Variants in SLC18A1 observed in about 807,000 individuals in gnomAD.
SLC18A1 encodes solute carrier family 18 member A1.
In SLC18A1, 69 loss-of-function variants were observed where a neutral mutation model predicts 53.7. The ratio of observed to expected loss-of-function variants is 1.28; its 90% CI spans 1.06 to 1.57. SLC18A1 has a LOEUF of 1.57. Among genes scored for constraint, SLC18A1 ranks in the 40% most tolerant of loss-of-function variants. The probability of loss-of-function intolerance (pLI) is 0.00; values close to 1 mark genes in which losing one functional copy is unlikely to be tolerated. For missense variants in SLC18A1, 932 were observed against 668.1 expected, an observed-to-expected ratio of 1.40 and a Z score of -4.35; for synonymous variants, 320 against 248.1, an observed-to-expected ratio of 1.29 and a Z score of -2.72.
intron 2 of SLC18A1, among the ~76,000 whole-genome samples, chr8:20,180,313 C>T (rs924663233): frequency 6.6e-6 from 1 of 152,024 alleles, no homozygotes; most frequent in South Asian, 2.1e-4. Context: ...AGAGGAGAAA[C>T]CTTTTAGTGC....
At position 20,145,005 on chromosome 8, in the gene SLC18A1, T is replaced by A. The variant is rs546438707; in HGVS notation, c.*758A>T. On this transcript the variant is annotated 3_prime_UTR_variant, in exon 16 of 16. Coordinates refer to ENST00000276373, the MANE Select transcript of SLC18A1 (RefSeq NM_003053.4). ...TGGGTCTAATCAGTTATTTTTTCTG[T>A]CTTTCTTCTACTTTTATTTCTAAGA... is the stretch of plus-strand genomic sequence containing the variant. 14 of 152,232 alleles carry A rather than the reference T, an allele frequency of 9.2e-5. No homozygotes were observed. The highest frequency in any genetic ancestry group is 2.9e-4 in the African/African-American group (12 of 41,542). 9.4% of individuals were successfully genotyped at this position (152,232 alleles called of 1,614,324 possible).
intron 13 of SLC18A1, 33 bp downstream of exon 13, chr8:20,147,974 G>A (rs769539878): frequency 1.9e-6 from 3 of 1,608,124 alleles, no homozygotes; most frequent in African/African-American, 2.7e-5. Context: ...CAACATGCAG[G>A]GGCTTATTGT....
chr8:20,174,004 C>G (rs2072192736), intron 5 of SLC18A1, among the ~76,000 whole-genome samples: 1 of 151,842 alleles, frequency 6.6e-6, no homozygotes, highest in African/African-American at 2.4e-5. Context: ...TCAAGCCATC[C>G]TCCCACTTTA....
At chr8:20,157,423 C>T (rs2071710637) in intron 10 of SLC18A1, among the ~76,000 whole-genome samples, 1 of 151,930 alleles carries the variant, frequency 6.6e-6, no homozygotes. Flanking sequence ...AGTGTAGACT[C>T]TCATTATGAT....
At chr8:20,168,177 C>T (rs1431588549) in intron 8 of SLC18A1, among the ~76,000 whole-genome samples, 1 of 151,960 alleles carries the variant, frequency 6.6e-6, no homozygotes, top group East Asian at 1.9e-4. Flanking sequence ...AGTTCAAGGC[C>T]AGCCTGGGCA....
intron 7 of SLC18A1, 35 bp from the exon 8 acceptor site, chr8:20,171,181 T>C: frequency 6.2e-7 from 1 of 1,612,434 alleles, no homozygotes; most frequent in Non-Finnish European, 8.5e-7. Context: ...GTTCAGCGTG[T>C]CTACTGATTA....
In SLC18A1 at chr8:20,171,083, G is replaced by A; in HGVS notation, c.858+20C>T. On this transcript the variant is annotated intron_variant, in intron 8 of 15. Transcript: ENST00000276373. ...GCCATCCTGTATAACTGTTAGAAAT[G>A]GAGCTTTGTGTCTGCTTACCTCAGG... 1 of 1,613,306 alleles carries A rather than the reference G, an allele frequency of 6.2e-7. No homozygotes were observed. Among genetic ancestry groups the A allele is most frequent in the African/African-American group, 1.3e-5 (1 of 75,044 alleles).
At chr8:20,160,176 G>A (rs2071787618) in intron 10 of SLC18A1, among the ~76,000 whole-genome samples, 1 of 151,088 alleles carries the variant, frequency 6.6e-6, no homozygotes, top group Non-Finnish European at 1.5e-5. Context: ...ATCCTGGACA[G>A]GTGGCAATCT....
chr8:20,159,073 T>C (rs2071750722), intron 10 of SLC18A1, among the ~76,000 whole-genome samples: 1 of 152,138 alleles, frequency 6.6e-6, no homozygotes, highest in Admixed American at 6.5e-5. Flanking sequence ...TGTAAAACTA[T>C]AAATGGTTCT....
chr8:20,149,588 CCCTCTCTCTCTCT>C, intron 12 of SLC18A1, 75 bp downstream of exon 12: 4 of 940,970 alleles, frequency 4.3e-6, no homozygotes, highest in Non-Finnish European at 1.5e-6. Context: ...CTCTCTCTCT[CCCTCTCTCTCTCT>C]CTCTCTCTCT....
Position 20,147,734 on chromosome 8 carries a change from G to A in SLC18A1, c.1211-12C>T, listed in dbSNP as rs1220273903. On this transcript the variant is annotated splice_polypyrimidine_tract_variant and intron_variant, in intron 13 of 15. Transcript: ENST00000276373. Reference sequence around the variant, plus strand: ...AGAATCCACCATGCCTGTGGCCAGAGCAAACAGGACACAGTCAGCCCCACC... The same window carrying A: ...AGAATCCACCATGCCTGTGGCCAGAACAAACAGGACACAGTCAGCCCCACC... The A allele has an allele frequency of 1.9e-6, 3 of 1,611,628 alleles. No homozygotes were observed. The highest frequency in any genetic ancestry group is 2.5e-6 in the Non-Finnish European group (3 of 1,179,282).
intron 8 of SLC18A1, among the ~76,000 whole-genome samples, chr8:20,168,713 G>T (rs1372409587): frequency 6.6e-6 from 1 of 152,100 alleles, no homozygotes; most frequent in East Asian, 1.9e-4. Context: ...GGATTACGGT[G>T]TGCACCACCA....
At chr8:20,148,462 T>G in intron 12 of SLC18A1, 4 of 1,290,704 alleles carry the variant, frequency 3.1e-6, no homozygotes, top group Non-Finnish European at 4.0e-6. Context: ...AAGTTGCCTC[T>G]GTTTTCCATT....
At chr8:20,173,370 C>T (rs888634252) in intron 5 of SLC18A1, among the ~76,000 whole-genome samples, 7 of 152,194 alleles carry the variant, frequency 4.6e-5, no homozygotes, top group African/African-American at 1.7e-4. Flanking sequence ...GGAAGGATAA[C>T]ACAGAAAATC....
intron 10 of SLC18A1, among the ~76,000 whole-genome samples, chr8:20,161,274 C>T (rs2071823882): frequency 6.6e-6 from 1 of 152,064 alleles, no homozygotes; most frequent in African/African-American, 2.4e-5. Flanking sequence ...GAAATCAAAA[C>T]AAATTATACT....
At chr8:20,174,255 G>T in intron 5 of SLC18A1, 106 bp downstream of exon 5, 2 of 863,158 alleles carry the variant, frequency 2.3e-6, no homozygotes, top group South Asian at 1.4e-5. Context: ...CTATCCAGGT[G>T]ACATTTTCCT....
At chr8:20,159,021 TCTTAAC>T (rs1162106387) in intron 10 of SLC18A1, among the ~76,000 whole-genome samples, 2 of 152,138 alleles carry the variant, frequency 1.3e-5, no homozygotes, top group Admixed American at 1.3e-4. Context: ...AATCTCTGTA[TCTTAAC>T]CTCCTGGTTA....
chr8:20,181,143 T>C, intron 1 of SLC18A1, 56 bp from the exon 2 acceptor site: 1 of 581,226 alleles, frequency 1.7e-6, no homozygotes, highest in Non-Finnish European at 2.9e-6. Flanking sequence ...TTTGGAAACA[T>C]CTCCATGTCT....
chr8:20,157,941 A>G (rs1164248989), intron 10 of SLC18A1, among the ~76,000 whole-genome samples: 2 of 152,314 alleles, frequency 1.3e-5, no homozygotes, highest in South Asian at 2.1e-4. Context: ...GGACGCTTTA[A>G]AAAAGATTGT....
Sources: allele counts gnomAD v4.1 joint callset (sites outside exome capture counted in the v4.1 genomes callset), GRCh38; gene constraint gnomAD v4.1.1; transcripts MANE v1.5; gene names NCBI Gene and HGNC (gene_info 2026-07-23, HGNC 2026-07-21).